NBDY: variants seen among roughly 807,000 people sequenced by gnomAD.
The protein encoded by NBDY is P-body dissociating protein.
At chrX:56,787,012 A>G (rs777983926) in intron 2 of NBDY, among the ~76,000 whole-genome samples, 2 of 111,199 alleles carry the variant, frequency 1.8e-5, no homozygotes, top group Non-Finnish European at 3.8e-5. Context: ...TGGATGCTCT[A>G]AGTGTGTAAT....
intron 2 of NBDY, among the ~76,000 whole-genome samples, chrX:56,785,291 A>G (rs938564754): frequency 1.3e-4 from 14 of 111,424 alleles, no homozygotes; most frequent in African/African-American, 4.3e-4. Flanking sequence ...GAAGAAAAGA[A>G]TGCAGGAAGA....
intron 2 of NBDY, among the ~76,000 whole-genome samples, chrX:56,781,468 G>T (rs1026355770): frequency 2.7e-5 from 3 of 111,610 alleles, no homozygotes; most frequent in African/African-American, 6.5e-5. Context: ...AGGGGCTTAT[G>T]CTTTCTTCTG....
At position 56,740,700 on chromosome X, in the gene NBDY, A is replaced by AT. The variant is rs756003591; in HGVS notation, c.*166+8509dup. Reference sequence around the variant, plus strand: ...ACTCTTTTTATCTTTTTGAATGTAAATTTTTTTTGTTTGCTGGGTCTTTTT... The same window carrying AT: ...ACTCTTTTTATCTTTTTGAATGTAAATTTTTTTTTGTTTGCTGGGTCTTTTT... On this transcript the variant is annotated intron_variant, in intron 2 of 2. Transcript: ENST00000374922. Among the ~76,000 whole-genome samples the AT allele has an allele frequency of 2.6e-3, 283 of 110,554 alleles. 1 individual carries two copies. Among genetic ancestry groups the AT allele is most frequent in the African/African-American group, 9.0e-3 (276 of 30,541 alleles).
intron 2 of NBDY, among the ~76,000 whole-genome samples, chrX:56,814,493 AT>A (rs374647825): frequency 1.4e-3 from 138 of 97,192 alleles, no homozygotes; most frequent in Non-Finnish European, 1.4e-3. Flanking sequence ...TATGAACCAC[AT>A]TTTTTTTTTT....
intron 2 of NBDY, among the ~76,000 whole-genome samples, chrX:56,766,936 G>A (rs186145395): frequency 1.8e-5 from 2 of 112,499 alleles, no homozygotes; most frequent in Non-Finnish European, 3.8e-5. Flanking sequence ...GAATGTCCCC[G>A]CTGAGGGAGA....
intron 2 of NBDY, among the ~76,000 whole-genome samples, chrX:56,763,226 C>T (rs2069647175): frequency 8.9e-6 from 1 of 112,318 alleles, no homozygotes; most frequent in Non-Finnish European, 1.9e-5. Flanking sequence ...GTGTTAGAGA[C>T]AGAGAGAGTT....
At position 56,795,765 on chromosome X, in the gene NBDY, CTTTT is replaced by C. The variant is rs1367656955; in HGVS notation, c.*167-21552_*167-21549del. The stretch of plus-strand genomic sequence containing the variant: ...TTTTAATTGTCAACAAATGCAGGTC[CTTTT>C]TTCATATGTAGGTAGCATCCACCAC... On this transcript the variant is annotated intron_variant, in intron 2 of 2. Coordinates refer to ENST00000374922, the MANE Select transcript of NBDY (RefSeq NM_001348129.2). Among the ~76,000 whole-genome samples, 5 of 112,302 alleles carry C rather than the reference CTTTT, an allele frequency of 4.5e-5. No homozygotes were observed. In the Admixed American group the frequency reaches 4.7e-4, roughly 11 times the overall value.
intron 2 of NBDY, among the ~76,000 whole-genome samples, chrX:56,734,082 T>C (rs1421361942): frequency 8.9e-6 from 1 of 112,534 alleles, no homozygotes; most frequent in African/African-American, 3.2e-5. Flanking sequence ...ATGTACACTT[T>C]GGATTTATTA....
intron 2 of NBDY, among the ~76,000 whole-genome samples, chrX:56,809,513 C>T (rs1001282159): frequency 3.6e-5 from 4 of 111,871 alleles, no homozygotes; most frequent in Non-Finnish European, 7.5e-5. Flanking sequence ...TATGTAATGT[C>T]CTTCTTTGTC....
At chrX:56,732,426 T>G (rs1287904446) in intron 2 of NBDY, among the ~76,000 whole-genome samples, 2 of 112,009 alleles carry the variant, frequency 1.8e-5, no homozygotes, top group Non-Finnish European at 3.8e-5. Context: ...GTGAAATATA[T>G]CATCTTTTTA....
chrX:56,731,562 C>G (rs1175814103), intron 1 of NBDY, among the ~76,000 whole-genome samples: 4 of 109,266 alleles, frequency 3.7e-5, no homozygotes, highest in Non-Finnish European at 7.6e-5. Flanking sequence ...CAGACCGGGA[C>G]TCGGTGTAAA....
intron 2 of NBDY, chrX:56,737,106 G>T (rs1242030803): frequency 1.4e-5 from 7 of 486,534 alleles, no homozygotes; most frequent in East Asian, 4.0e-5. Flanking sequence ...TCAGTATAAG[G>T]TTTGGAATAA....
chrX:56,785,230 T>C (rs1338733925), intron 2 of NBDY, among the ~76,000 whole-genome samples: 3 of 111,070 alleles, frequency 2.7e-5, no homozygotes, highest in Non-Finnish European at 5.7e-5. Flanking sequence ...TTTTCACATG[T>C]AGGTAGCATG....
chrX:56,799,190 G>A (rs1202764621), intron 2 of NBDY, among the ~76,000 whole-genome samples: 2 of 112,207 alleles, frequency 1.8e-5, no homozygotes, highest in African/African-American at 6.5e-5. Context: ...GGCAGGGGCG[G>A]CCCACCATGG....
At chrX:56,789,405 T>A (rs1052812685) in intron 2 of NBDY, among the ~76,000 whole-genome samples, 1 of 111,600 alleles carries the variant, frequency 9.0e-6, no homozygotes, top group African/African-American at 3.3e-5. Flanking sequence ...GATGTGTGAG[T>A]GTGTGGGCCT....
intron 2 of NBDY, among the ~76,000 whole-genome samples, chrX:56,744,005 G>A (rs1292393458): frequency 9.1e-6 from 1 of 109,944 alleles, no homozygotes; most frequent in Non-Finnish European, 1.9e-5. Flanking sequence ...GTTTTTGTAT[G>A]TTGTGTTTCC....
chrX:56,754,359 C>T (rs992083418), intron 2 of NBDY, among the ~76,000 whole-genome samples: 1 of 111,972 alleles, frequency 8.9e-6, no homozygotes, highest in African/African-American at 3.2e-5. Context: ...AAAGACCTAA[C>T]AGCACTGTCC....
Position 56,801,571 on chromosome X carries a change from G to A in NBDY, c.*167-15749G>A, listed in dbSNP as rs139376854. Among the ~76,000 whole-genome samples, 451 of 110,967 alleles carry A rather than the reference G, an allele frequency of 4.1e-3. 5 individuals are homozygous for A. Among genetic ancestry groups the A allele is most frequent in the African/African-American group, 0.014 (440 of 30,478 alleles). On this transcript the variant is annotated intron_variant, in intron 2 of 2. Coordinates refer to ENST00000374922, the MANE Select transcript of NBDY (RefSeq NM_001348129.2). ...AGTCCCTCTGGTGTTCCACAAAGGCGCCAATGTGTTACTTTTCATGAAATG... is the reference window on the plus strand; with the variant it reads ...AGTCCCTCTGGTGTTCCACAAAGGCACCAATGTGTTACTTTTCATGAAATG...
Position 56,817,876 on chromosome X carries a change from T to C in NBDY, c.*723T>C, listed in dbSNP as rs1436171024. 1 of 111,760 alleles carries C rather than the reference T, an allele frequency of 8.9e-6. No homozygotes were observed. The highest frequency in any genetic ancestry group is 1.9e-5 in the Non-Finnish European group (1 of 53,139). The allele number at this position is 111,760 out of a possible 1,213,427, so 9.2% of individuals were successfully genotyped here. A position where few individuals can be genotyped will look rare whatever the true frequency, so the allele number is the denominator to read the frequency against. On this transcript the variant is annotated 3_prime_UTR_variant, in exon 3 of 3. Coordinates refer to ENST00000374922, the MANE Select transcript of NBDY (RefSeq NM_001348129.2). ...ATCCTAGTATTTTACATCTTAACTA[T>C]TTTTTTCTGACTGAAATGGTTGATG...
Sources: allele counts gnomAD v4.1 joint callset (sites outside exome capture counted in the v4.1 genomes callset), GRCh38; gene constraint gnomAD v4.1.1; transcripts MANE v1.5; gene names NCBI Gene and HGNC (gene_info 2026-07-23, HGNC 2026-07-21).